Variants in ASPH observed in about 807,000 individuals in gnomAD.
The protein encoded by ASPH is aspartate beta-hydroxylase, also known as aspartyl/asparaginyl beta-hydroxylase.
In ASPH, 100 loss-of-function variants were observed where a neutral mutation model predicts 118.4. That is an observed-to-expected ratio of 0.84 (90% CI 0.72 to 1.00). ASPH has a LOEUF of 1.00. ASPH is among the 50% of genes least tolerant of loss of function. ASPH has a pLI of 0.00. For missense variants in ASPH, 920 were observed against 919.5 expected (o/e 1.00, Z -0.01); for synonymous variants, 315 against 325.6 (o/e 0.97, Z 0.35).
intron 21 of ASPH, among the ~76,000 whole-genome samples, chr8:61,531,927 T>TA (rs1817724823): frequency 6.6e-6 from 1 of 152,234 alleles, no homozygotes; most frequent in East Asian, 1.9e-4. Context: ...AAAGTTTTTC[T>TA]TCATTTGCCT....
chr8:61,647,893 C>A (rs1341709970), intron 5 of ASPH, among the ~76,000 whole-genome samples: 1 of 152,062 alleles, frequency 6.6e-6, no homozygotes, highest in Non-Finnish European at 1.5e-5. Flanking sequence ...GATTCCACTG[C>A]AACATGGTTA....
rs114636367 is a variant in ASPH, at chr8:61,519,442, C to T, written c.1901-1319G>A. 5.8e-3 allele frequency among the ~76,000 whole-genome samples: 885 copies of T among 152,190 alleles called. 6 individuals are homozygous for T. Among genetic ancestry groups the T allele is most frequent in the African/African-American group, 0.02 (842 of 41,506 alleles). On this transcript the variant is annotated intron_variant, in intron 22 of 24. Transcript: ENST00000379454. ...AGCGGACCCATAACATTCAAATTCA[C>T]GTTGTTCAAAGGCCAACTGTACTTA...
At chr8:61,652,488 G>A (rs1366673398) in intron 4 of ASPH, among the ~76,000 whole-genome samples, 1 of 152,084 alleles carries the variant, frequency 6.6e-6, no homozygotes, top group Non-Finnish European at 1.5e-5. Context: ...TCTCTCCTCT[G>A]GAGGGGATTG....
intron 21 of ASPH, among the ~76,000 whole-genome samples, chr8:61,535,439 G>C (rs4237044): frequency 0.95 from 144,724 of 152,324 alleles, 68,782 homozygotes; most frequent in East Asian, 1. Context: ...GTTAGTAACT[G>C]TTTGTGACTA....
At chr8:61,622,586 CCTT>C (rs1281350788) in intron 13 of ASPH, among the ~76,000 whole-genome samples, 2 of 152,226 alleles carry the variant, frequency 1.3e-5, no homozygotes, top group East Asian at 1.9e-4. Flanking sequence ...TTTCCAGTCT[CCTT>C]CTCTACTAGC....
intron 21 of ASPH, among the ~76,000 whole-genome samples, chr8:61,534,276 T>C (rs1818668039): frequency 6.6e-6 from 1 of 152,342 alleles, no homozygotes; most frequent in South Asian, 2.1e-4. Flanking sequence ...TCTCTAATAA[T>C]TGAATTTTCT....
At chr8:61,634,622 A>G (rs1472576720) in intron 12 of ASPH, among the ~76,000 whole-genome samples, 1 of 152,182 alleles carries the variant, frequency 6.6e-6, no homozygotes, top group Non-Finnish European at 1.5e-5. Flanking sequence ...GTATCTGGCA[A>G]TATTTTCTTC....
At chr8:61,694,236 AG>A (rs1833393568) in intron 1 of ASPH, among the ~76,000 whole-genome samples, 1 of 152,044 alleles carries the variant, frequency 6.6e-6, no homozygotes, top group African/African-American at 2.4e-5. Flanking sequence ...GTTTCTCCTC[AG>A]CTACCTCGCA....
intron 22 of ASPH, among the ~76,000 whole-genome samples, chr8:61,524,284 T>C (rs1400178441): frequency 6.6e-6 from 1 of 152,102 alleles, no homozygotes; most frequent in African/African-American, 2.4e-5. Context: ...GGTCAGTGCA[T>C]AGCTTTAAAT....
In ASPH at chr8:61,651,119, G is replaced by T; in HGVS notation, c.421C>A (p.Gln141Lys). The change falls in exon 5 of 25, where the codon CAG becomes AAG. Residue 141 changes from glutamine to lysine, a missense_variant. Physicochemically the swap from Gln to Lys is moderately conservative, Grantham distance 53. Coordinates refer to ENST00000379454, the MANE Select transcript of ASPH (RefSeq NM_004318.4). Reference sequence around the variant, plus strand: ...TCTTTTGCTTCATCTTCGATATTCTGGGGTTCTAAAATAATTGCAAAACAT... The same window carrying T: ...TCTTTTGCTTCATCTTCGATATTCTTGGGTTCTAAAATAATTGCAAAACAT... Reference protein sequence around the residue: ...EEQVPVEAEPQNIEDEAKEQI... With the variant: ...EEQVPVEAEPKNIEDEAKEQI... 6.2e-7 allele frequency: 1 copy of T among 1,613,450 alleles called. No homozygotes were observed. Among genetic ancestry groups the T allele is most frequent in the East Asian group, 2.2e-5 (1 of 44,782 alleles).
At chr8:61,531,559 AT>A (rs1156392093) in intron 21 of ASPH, among the ~76,000 whole-genome samples, 2 of 152,036 alleles carry the variant, frequency 1.3e-5, no homozygotes, top group East Asian at 3.9e-4. Flanking sequence ...GTGTGATACT[AT>A]TTTTATTTTA....
intron 21 of ASPH, among the ~76,000 whole-genome samples, chr8:61,542,541 C>T (rs1210376009): frequency 6.6e-6 from 1 of 152,148 alleles, no homozygotes; most frequent in Non-Finnish European, 1.5e-5. Context: ...TATTATCATA[C>T]AAATTACATC....
rs76567004 is a variant in ASPH, at chr8:61,640,508, C to T, written c.791-2145G>A. On this transcript the variant is annotated intron_variant, in intron 10 of 24. Transcript: ENST00000379454. The stretch of plus-strand genomic sequence containing the variant: ...TCCTTGCCTTGTCAATTGTTCTCAC[C>T]TTCAGCTCAAACTTCAGGAAGGCCC... Among the ~76,000 whole-genome samples the T allele has an allele frequency of 7.9e-4, 121 of 152,292 alleles. 1 individual carries two copies. In the East Asian group the frequency reaches 0.018, roughly 23 times the overall value.
intron 13 of ASPH, among the ~76,000 whole-genome samples, chr8:61,631,341 C>T (rs1167805503): frequency 1.3e-5 from 2 of 152,174 alleles, no homozygotes; most frequent in Non-Finnish European, 2.9e-5. Context: ...AATTCCAGTG[C>T]TGTAAGCTCT....
intron 14 of ASPH, among the ~76,000 whole-genome samples, chr8:61,588,469 C>T (rs777795582): frequency 7.2e-5 from 11 of 152,176 alleles, no homozygotes; most frequent in Non-Finnish European, 1.6e-4. Flanking sequence ...AGTTGATCAT[C>T]AATAAAAACA....
At chr8:61,616,573 TGAA>T (rs1849110460) in intron 14 of ASPH, among the ~76,000 whole-genome samples, 1 of 152,196 alleles carries the variant, frequency 6.6e-6, no homozygotes, top group Admixed American at 6.5e-5. Flanking sequence ...GTCCACAGCA[TGAA>T]GAAAAGTCCA....
At chr8:61,577,164 C>T (rs1587497633) in intron 15 of ASPH, among the ~76,000 whole-genome samples, 1 of 151,426 alleles carries the variant, frequency 6.6e-6, no homozygotes, top group East Asian at 1.9e-4. Flanking sequence ...CATCACACAC[C>T]AGGGCCTGTC....
chr8:61,633,244 G>A (rs1342126267), intron 13 of ASPH: 1 of 155,980 alleles, frequency 6.4e-6, no homozygotes, highest in Non-Finnish European at 1.4e-5. Context: ...GGGCAGCCTG[G>A]ACTGTCACAA....
In ASPH at chr8:61,651,065, C is replaced by T. The variant is rs767403241; in HGVS notation, c.475G>A (p.Val159Ile). 5 of 1,613,482 alleles carry T rather than the reference C, an allele frequency of 3.1e-6. No homozygotes were observed. The highest frequency in any genetic ancestry group is 4.2e-6 in the Non-Finnish European group (5 of 1,179,714). Residue 159 changes from valine to isoleucine, a missense_variant, in exon 5 of 25, where the codon GTA becomes ATA. Transcript: ENST00000379454. ...EQIQSLLHEM[V>I]HAEHVEGEDL... ...TAATTCATACCATGTTCTGCGTGTA[C>T]CATTTCATGGAGAAGGGACTGAATT...
Sources: gnomAD v4.1 joint callset for allele counts (sites outside exome capture counted in the v4.1 genomes callset) on GRCh38, gnomAD v4.1.1 for gene constraint, MANE v1.5 for transcripts, NCBI Gene and HGNC (gene_info 2026-07-23, HGNC 2026-07-21) for gene names.